Variants in RIMS2 observed in about 807,000 individuals in gnomAD.
RIMS2 encodes regulating synaptic membrane exocytosis 2.
In RIMS2, 59 loss-of-function variants were observed where a neutral mutation model predicts 174.4. The observed-to-expected ratio is 0.34, with a 90% CI of 0.27 to 0.42. The LOEUF (loss-of-function observed/expected upper bound fraction) is 0.42, where lower values mean the gene tolerates loss of function less well. Among genes scored for constraint, RIMS2 ranks in the 10% least tolerant of loss-of-function variants. The pLI is 1.00. For synonymous variants in RIMS2, 606 were observed against 572.5 expected (o/e 1.06, Z -0.84); for missense variants, 1,620 against 1,666.3 (o/e 0.97, Z 0.48).
intron 1 of RIMS2, among the ~76,000 whole-genome samples, chr8:103,585,086 T>C (rs1189029711): frequency 6.6e-6 from 1 of 152,180 alleles, no homozygotes; most frequent in Non-Finnish European, 1.5e-5. Flanking sequence ...TCTGTTGATA[T>C]GAACAGACAT....
intron 2 of RIMS2, among the ~76,000 whole-genome samples, chr8:103,746,975 T>G (rs2097826590): frequency 6.6e-6 from 1 of 152,038 alleles, no homozygotes; most frequent in African/African-American, 2.4e-5. Context: ...CACTTTTTAG[T>G]GAGAACATGT....
At chr8:103,950,339 C>T (rs552687179) in intron 14 of RIMS2, among the ~76,000 whole-genome samples, 1 of 152,014 alleles carries the variant, frequency 6.6e-6, no homozygotes, top group African/African-American at 2.4e-5. Flanking sequence ...CAATAAACCT[C>T]ATGAAAATTT....
chr8:103,636,789 C>T (rs2096088461), intron 1 of RIMS2, among the ~76,000 whole-genome samples: 3 of 9,906 alleles, frequency 3.0e-4, no homozygotes, highest in Admixed American at 1.1e-3. Flanking sequence ...CACCCCCGCA[C>T]CCCCCCCCCC....
chr8:104,181,437 A>C (rs1337744526), intron 19 of RIMS2, among the ~76,000 whole-genome samples: 1 of 151,618 alleles, frequency 6.6e-6, no homozygotes, highest in Non-Finnish European at 1.5e-5. Context: ...TGACCAAATC[A>C]CTTAAGTAGG....
At chr8:103,738,677 A>G (rs1360799647) in intron 2 of RIMS2, among the ~76,000 whole-genome samples, 17 of 152,304 alleles carry the variant, frequency 1.1e-4, no homozygotes, top group Non-Finnish European at 1.6e-4. Flanking sequence ...AACTCAAACA[A>G]ATTTACAAGA....
At chr8:104,028,764 A>G (rs2096313052) in intron 19 of RIMS2, among the ~76,000 whole-genome samples, 1 of 152,200 alleles carries the variant, frequency 6.6e-6, no homozygotes, top group South Asian at 2.1e-4. Context: ...AATATAACAA[A>G]TCTAGATGTC....
intron 4 of RIMS2, among the ~76,000 whole-genome samples, chr8:103,898,893 G>T (rs2099310228): frequency 2.0e-5 from 3 of 150,368 alleles, no homozygotes; most frequent in Admixed American, 6.6e-5. Context: ...CCCACAACAG[G>T]CCCCAGTGTG....
At chr8:103,819,637 G>T in intron 3 of RIMS2, 1 of 1,586,594 alleles carries the variant, frequency 6.3e-7, no homozygotes, top group Non-Finnish European at 8.6e-7. Flanking sequence ...AAGGTGAGTA[G>T]AGCCAAACTA....
chr8:103,871,665 AAC>A (rs2099112644), intron 3 of RIMS2, among the ~76,000 whole-genome samples: 1 of 152,124 alleles, frequency 6.6e-6, no homozygotes, highest in African/African-American at 2.4e-5. Flanking sequence ...TGATTTCATA[AAC>A]ACACTTAAAC....
chr8:103,960,947 A>G, intron 14 of RIMS2, 118 bp from the exon 17 acceptor site: 1 of 697,610 alleles, frequency 1.4e-6, no homozygotes, highest in East Asian at 2.6e-5. Flanking sequence ...TCTTCTGTAC[A>G]TATTTTTTGT....
In RIMS2 at chr8:104,160,763, A is replaced by G. The variant is rs187270670; in HGVS notation, c.3335-84153A>G. Among the ~76,000 whole-genome samples, 4 of 152,336 alleles carry G rather than the reference A, an allele frequency of 2.6e-5. No individual in the cohort carries two copies. The East Asian group carries it at 7.7e-4, about 29-fold the overall frequency. ...TGTAAGAATCATTTTAATGGATGCC[A>G]TGAAAGACATAACTTGACAAAACAT... is the stretch of plus-strand genomic sequence containing the variant. On this transcript the variant is annotated intron_variant, in intron 19 of 23. Transcript: ENST00000504942.
At chr8:103,548,043 C>T (rs910884395) in intron 1 of RIMS2, among the ~76,000 whole-genome samples, 2 of 151,946 alleles carry the variant, frequency 1.3e-5, no homozygotes, top group Non-Finnish European at 2.9e-5. Context: ...AAAAAAAGCC[C>T]AGGAGCAGAT....
chr8:103,927,889 G>A (rs1436141831), exon 11 of RIMS2: 1 of 1,606,856 alleles, frequency 6.2e-7, no homozygotes. Context: ...CTAGGGTTCA[G>A]GTAAAGGCCT....
intron 1 of RIMS2, among the ~76,000 whole-genome samples, chr8:103,684,223 C>G (rs936796334): frequency 2.6e-5 from 4 of 152,144 alleles, no homozygotes; most frequent in African/African-American, 9.7e-5. Flanking sequence ...TCACTCTACT[C>G]CAGCCCCTGG....
At chr8:104,056,431 A>G (rs756018569) in intron 19 of RIMS2, among the ~76,000 whole-genome samples, 2 of 151,936 alleles carry the variant, frequency 1.3e-5, no homozygotes, top group Non-Finnish European at 1.5e-5. Flanking sequence ...TTTGTAGCAG[A>G]TGGAATTATA....
At chr8:104,153,864 T>C (rs2134216983) in intron 19 of RIMS2, among the ~76,000 whole-genome samples, 1 of 152,260 alleles carries the variant, frequency 6.6e-6, no homozygotes, top group South Asian at 2.1e-4. Context: ...CATGATCAAC[T>C]GTGTCAGGGA....
In RIMS2 at chr8:103,514,915, C is replaced by CAA. The variant is rs148842878; in HGVS notation, c.176+13854_176+13855dup. Among the ~76,000 whole-genome samples, 356 of 149,282 alleles carry CAA rather than the reference C, an allele frequency of 2.4e-3. 4 individuals carry two copies. The highest frequency in any genetic ancestry group is 8.4e-3 in the African/African-American group (344 of 40,796). Reference sequence around the variant, plus strand: ...TCTGTCTCAAAAACAACAACAACAACAACAAAAAAACAAAAAAACAAAAAA... The same window carrying CAA: ...TCTGTCTCAAAAACAACAACAACAACAAAACAAAAAAACAAAAAAACAAAAAA... On this transcript the variant is annotated intron_variant, in intron 1 of 23. Transcript: ENST00000504942.
intron 4 of RIMS2, among the ~76,000 whole-genome samples, chr8:103,889,864 T>C (rs2099232249): frequency 6.6e-6 from 1 of 151,904 alleles, no homozygotes; most frequent in African/African-American, 2.4e-5. Context: ...CCATTGTTTG[T>C]GTAACAAAAA....
chr8:104,183,439 T>A (rs2098950989), intron 19 of RIMS2, among the ~76,000 whole-genome samples: 1 of 151,620 alleles, frequency 6.6e-6, no homozygotes, highest in Admixed American at 6.6e-5. Flanking sequence ...ATATAAGTAG[T>A]CAGAGACAGA....
Sources: gnomAD v4.1 joint callset for allele counts (sites outside exome capture counted in the v4.1 genomes callset) on GRCh38, gnomAD v4.1.1 for gene constraint, MANE v1.5 for transcripts, NCBI Gene and HGNC (gene_info 2026-07-23, HGNC 2026-07-21) for gene names.